Variants in GALE observed in about 807,000 individuals in gnomAD.
GALE encodes the protein UDP-galactose-4-epimerase, also known as UDP-glucose 4-epimerase.
In GALE, 32 loss-of-function variants were observed where a neutral mutation model predicts 44.1. The ratio of observed to expected loss-of-function variants is 0.73; its 90% CI spans 0.55 to 0.97. The LOEUF is 0.97. Ranked by LOEUF, GALE falls within the 50% of genes least tolerant of loss-of-function variation. GALE has a pLI of 0.00. For missense variants in GALE, 423 were observed against 455.6 expected (o/e 0.93, Z 0.65); for synonymous variants, 182 against 183.5 (o/e 0.99, Z 0.06).
At position 23,798,399 on chromosome 1, in the gene GALE, G is replaced by A. The variant is rs1372547496; in HGVS notation, c.238-169C>T. The A allele has an allele frequency of 1.4e-6, 1 of 706,928 alleles. No homozygotes were observed. Among genetic ancestry groups the A allele is most frequent in the Admixed American group, 2.1e-5 (1 of 48,662 alleles). 43.8% of individuals were successfully genotyped at this position (706,928 alleles called of 1,614,324 possible). On this transcript the variant is annotated intron_variant, in intron 4 of 11. Coordinates refer to ENST00000617979, the MANE Select transcript of GALE (RefSeq NM_001008216.2). This position sits in a 1 kb window ranked among gnomAD's most constrained non-coding sequence, Gnocchi z 4.5. ...AGCTCACCGCAACCTCCACCTCCCA[G>A]GCTCAAGCCATCCTCCCATGCCAGC...
chr1:23,797,806 G>A lies in GALE; in HGVS notation c.417C>T (p.Pro139=). The change falls in exon 6 of 12, where the codon CCC becomes CCT. Residue 139 remains proline (P), a synonymous_variant. Transcript: ENST00000617979. ...GGGCCTCATCAAGGGGCAGGTACTG[G>A]GGGTTCCCGTACACAGTGGCTGAGC... is the stretch of plus-strand genomic sequence containing the variant. ...FSSSATVYGN[P]QYLPLDEAHP... is the part of the protein sequence containing the mutation. 6.2e-7 allele frequency: 1 copy of A among 1,614,194 alleles called. No individual in the cohort carries two copies. The highest frequency in any genetic ancestry group is 8.5e-7 in the Non-Finnish European group (1 of 1,180,016).
chr1:23,797,841 C>T lies in GALE; in HGVS notation c.382G>A (p.Val128Met), dbSNP rs778887800. The T allele has an allele frequency of 3.7e-6, 6 of 1,614,210 alleles. No individual in the cohort carries two copies. The Admixed American group carries it at 5.0e-5, about 13-fold the overall frequency. Residue 128 changes from valine to methionine, a missense_variant, in exon 6 of 12, where the codon GTG becomes ATG. Coordinates refer to ENST00000617979, the MANE Select transcript of GALE (RefSeq NM_001008216.2). ...TACACAGTGGCTGAGCTGCTGAACA[C>T]CAGGTTCTTCACCCCGTGGGCCTTC... is the stretch of plus-strand genomic sequence containing the variant. ...IMKAHGVKNLVFSSSATVYGN... is the reference protein window; with the variant it reads ...IMKAHGVKNLMFSSSATVYGN...
chr1:23,798,375 G>A lies in GALE; in HGVS notation c.238-145C>T. ...GCTGGAGTACAGTGGTGCCATCTCA[G>A]CTCACCGCAACCTCCACCTCCCAGG... On this transcript the variant is annotated intron_variant, in intron 4 of 11. Coordinates refer to ENST00000617979, the MANE Select transcript of GALE (RefSeq NM_001008216.2). The surrounding 1 kb of genome is among the most constrained non-coding windows in gnomAD (Gnocchi z 4.5). 1.4e-6 allele frequency: 1 copy of A among 727,114 alleles called. No individual in the cohort carries two copies. The highest frequency in any genetic ancestry group is 2.4e-6 in the Non-Finnish European group (1 of 411,758). 45.0% of individuals were successfully genotyped at this position (727,114 alleles called of 1,614,324 possible).
Position 23,796,830 on chromosome 1 carries a change from C to T in GALE, c.709+46G>A. The T allele has an allele frequency of 6.2e-7, 1 of 1,608,816 alleles. No individual in the cohort carries two copies. Among genetic ancestry groups the T allele is most frequent in the Non-Finnish European group, 8.5e-7 (1 of 1,177,382 alleles). ...GATGGGGAGTCTGTTCCCCCTGACT[C>T]TCCTTCCTGGCTCCCACTCCTAGGT... On this transcript the variant is annotated intron_variant, in intron 8 of 11. Transcript: ENST00000617979. The surrounding 1 kb of genome is among the most constrained non-coding windows in gnomAD (Gnocchi z 5.2).
intron 6 of GALE, among the ~76,000 whole-genome samples, chr1:23,797,427 C>T (rs1278104927): frequency 1.3e-5 from 2 of 152,182 alleles, no homozygotes; most frequent in Non-Finnish European, 2.9e-5. Flanking sequence ...ACCATGTTGT[C>T]CAGGCTGGTC....
chr1:23,796,274 C>G lies in GALE; in HGVS notation c.874-9G>C. ...ACCACCTTGTACGGGATCTGCAAGA[C>G]AGGAGGTAGTTGGAGCTTAGCTGAG... On this transcript the variant is annotated splice_polypyrimidine_tract_variant and intron_variant, in intron 10 of 11. Transcript: ENST00000617979. The surrounding 1 kb of genome is among the most constrained non-coding windows in gnomAD (Gnocchi z 5.2). 6.2e-7 allele frequency: 1 copy of G among 1,612,742 alleles called. No homozygotes were observed. Among genetic ancestry groups the G allele is most frequent in the Non-Finnish European group, 8.5e-7 (1 of 1,178,688 alleles).
chr1:23,798,705 C>A lies in GALE; in HGVS notation c.147G>T (p.Leu49=). The change falls in exon 4 of 12, where the codon CTG becomes CTT. Residue 49 remains leucine, a synonymous_variant. Transcript: ENST00000617979. This position sits in a 1 kb window ranked among gnomAD's most constrained non-coding sequence, Gnocchi z 4.5. ...FRGGGSLPES[L]RRVQELTGRS... Reference sequence around the variant, plus strand: ...GGCCTGTCAGCTCCTGGACCCGCCGCAGGCTCTCAGGCAGGGAGCCCCCTC... The same window carrying A: ...GGCCTGTCAGCTCCTGGACCCGCCGAAGGCTCTCAGGCAGGGAGCCCCCTC... The A allele has an allele frequency of 6.2e-7, 1 of 1,614,058 alleles. No individual in the cohort carries two copies. The highest frequency in any genetic ancestry group is 8.5e-7 in the Non-Finnish European group (1 of 1,179,928).
intron 2 of GALE, 164 bp downstream of exon 2, chr1:23,799,198 AAATT>A (rs1334197409): frequency 5.4e-5 from 37 of 682,386 alleles, no homozygotes; most frequent in African/African-American, 1.8e-4. Context: ...TAGGCTTTGG[AAATT>A]AATTAGCCTC....
In GALE at chr1:23,796,457, TGA is replaced by T; in HGVS notation, c.873+50_873+51del. 3 of 1,426,352 alleles carry T rather than the reference TGA, an allele frequency of 2.1e-6. No individual in the cohort carries two copies. The highest frequency in any genetic ancestry group is 2.8e-6 in the Non-Finnish European group (3 of 1,072,908). 88.4% of individuals were successfully genotyped at this position (1,426,352 alleles called of 1,614,324 possible). On this transcript the variant is annotated intron_variant, in intron 10 of 11. Coordinates refer to ENST00000617979, the MANE Select transcript of GALE (RefSeq NM_001008216.2). The surrounding 1 kb of genome is among the most constrained non-coding windows in gnomAD (Gnocchi z 5.2). ...GGAAGGGCCAAAGCTGCTCTGTTGC[TGA>T]GAGCTGGGTGGGGTGAGGTGGGTGA...
At position 23,796,059 on chromosome 1, in the gene GALE, C is replaced by T; in HGVS notation, c.989-52G>A. ...GGGCCCACGGTGGAATGCAGAGCCT[C>T]CCCCACCCCACAGCCCGCCCTGGGT... On this transcript the variant is annotated intron_variant, in intron 11 of 11. Transcript: ENST00000617979. This position sits in a 1 kb window ranked among gnomAD's most constrained non-coding sequence, Gnocchi z 5.2. The T allele has an allele frequency of 6.2e-7, 1 of 1,606,760 alleles. No homozygotes were observed. Among genetic ancestry groups the T allele is most frequent in the South Asian group, 1.1e-5 (1 of 90,730 alleles).
chr1:23,797,593 C>T (rs1639000463), intron 6 of GALE, 102 bp downstream of exon 6: 2 of 1,145,190 alleles, frequency 1.7e-6, no homozygotes, highest in Non-Finnish European at 2.6e-6. Context: ...GCCTTAGCTT[C>T]CTCCTTAGTG....
In GALE at chr1:23,796,076, G is replaced by A. The variant is rs540419083; in HGVS notation, c.989-69C>T. The A allele has an allele frequency of 1.3e-5, 21 of 1,587,992 alleles. No homozygotes were observed. Among genetic ancestry groups the A allele is most frequent in the African/African-American group, 8.1e-5 (6 of 74,504 alleles). On this transcript the variant is annotated intron_variant, in intron 11 of 11. Transcript: ENST00000617979. This position sits in a 1 kb window ranked among gnomAD's most constrained non-coding sequence, Gnocchi z 5.2. ...CAGAGCCTCCCCCACCCCACAGCCC[G>A]CCCTGGGTGGGCATGCCCAGATCTG...
chr1:23,798,637 G>T lies in GALE; in HGVS notation c.215C>A (p.Ala72Asp). ...CACCTTTTTGAAGAGACGCTGTAGG[G>T]CTCCCTGGTCCAAAATGTCCATCTC... is the stretch of plus-strand genomic sequence containing the variant. ...FEEMDILDQG[A>D]LQRLFKKYSF... Residue 72 changes from alanine to aspartate, a missense_variant, in exon 4 of 12, where the codon GCC (alanine) becomes GAC (aspartate). Ala to Asp is a moderately radical substitution (Grantham distance 126). Coordinates refer to ENST00000617979, the MANE Select transcript of GALE (RefSeq NM_001008216.2). The surrounding 1 kb of genome is among the most constrained non-coding windows in gnomAD (Gnocchi z 4.5). 6.2e-7 allele frequency: 1 copy of T among 1,613,538 alleles called. No homozygotes were observed. The highest frequency in any genetic ancestry group is 8.5e-7 in the Non-Finnish European group (1 of 1,179,626).
chr1:23,799,024 TAC>T lies in GALE; in HGVS notation c.-5-14_-5-13del, dbSNP rs774118259. 2.4e-5 allele frequency: 39 copies of T among 1,614,000 alleles called. No homozygotes were observed. The highest frequency in any genetic ancestry group is 1.6e-4 in the South Asian group (15 of 91,086). On this transcript the variant is annotated splice_polypyrimidine_tract_variant and intron_variant, in intron 2 of 11. Coordinates refer to ENST00000617979, the MANE Select transcript of GALE (RefSeq NM_001008216.2). ...CTCTGCCATGGCACCTGGCCCAGGA[TAC>T]AGAGTCTCAGAGGTGGCTGAGGCTG...
chr1:23,798,137 C>T lies in GALE; in HGVS notation c.331G>A (p.Gly111Arg), dbSNP rs1336615166. ...CTCACCTCCAGAAGCTGGATGGTCC[C>T]GGTCAGGTTAACTCTGTAATAATCC... ...PLDYYRVNLT[G>R]TIQLLEIMKA... is the part of the protein sequence containing the mutation. Residue 111 changes from glycine to arginine, a missense_variant, in exon 5 of 12, where the codon GGG becomes AGG. Physicochemically the swap from Gly to Arg is moderately radical, Grantham distance 125. Coordinates refer to ENST00000617979, the MANE Select transcript of GALE (RefSeq NM_001008216.2). This position sits in a 1 kb window ranked among gnomAD's most constrained non-coding sequence, Gnocchi z 4.5. The T allele has an allele frequency of 5.6e-6, 9 of 1,613,836 alleles. No homozygotes were observed. Among genetic ancestry groups the T allele is most frequent in the East Asian group, 2.2e-5 (1 of 44,882 alleles).
Position 23,798,459 on chromosome 1 carries a change from C to T in GALE, c.237+156G>A. The T allele has an allele frequency of 2.9e-6, 2 of 701,508 alleles. No homozygotes were observed. Among genetic ancestry groups the T allele is most frequent in the East Asian group, 5.4e-5 (2 of 37,122 alleles). The allele number at this position is 701,508 out of a possible 1,614,324, so 43.5% of individuals were successfully genotyped here. ...AGCTGGGACCACAGGTATGGGCTAC[C>T]ATGCCCAGCTAATTTTTGTATTTTT... On this transcript the variant is annotated intron_variant, in intron 4 of 11. Transcript: ENST00000617979. The surrounding 1 kb of genome is among the most constrained non-coding windows in gnomAD (Gnocchi z 4.5).
In GALE at chr1:23,798,708, G is replaced by A. The variant is rs1304532208; in HGVS notation, c.144C>T (p.Ser48=). The A allele has an allele frequency of 8.1e-6, 13 of 1,613,870 alleles. No individual in the cohort carries two copies. Among genetic ancestry groups the A allele is most frequent in the Admixed American group, 6.7e-5 (4 of 59,986 alleles). ...AFRGGGSLPE[S]LRRVQELTGR... ...CTGTCAGCTCCTGGACCCGCCGCAG[G>A]CTCTCAGGCAGGGAGCCCCCTCCTG... The change falls in exon 4 of 12, where the codon AGC becomes AGT. Residue 48 remains serine (S), a synonymous_variant. Coordinates refer to ENST00000617979, the MANE Select transcript of GALE (RefSeq NM_001008216.2). This position sits in a 1 kb window ranked among gnomAD's most constrained non-coding sequence, Gnocchi z 4.5.
Position 23,795,964 on chromosome 1 carries a change from A to G in GALE, c.1032T>C (p.Phe344=). 1 of 1,613,968 alleles carries G rather than the reference A, an allele frequency of 6.2e-7. No individual in the cohort carries two copies. Among genetic ancestry groups the G allele is most frequent in the Non-Finnish European group, 8.5e-7 (1 of 1,179,962 alleles). Residue 344 remains phenylalanine (F), a synonymous_variant, in exon 12 of 12, where the codon TTT becomes TTC. Coordinates refer to ENST00000617979, the MANE Select transcript of GALE (RefSeq NM_001008216.2). ...GGGAGGGTCCTCAGGCTTGCGTGCC[A>G]AAGCCTGAAGGATTCTGCTTCTGCC... The part of the protein sequence containing the change: ...WRWQKQNPSG[F]GTQA
In GALE at chr1:23,800,401, G is replaced by A. The variant is rs113324056; in HGVS notation, c.-77+311C>T. 0.04 allele frequency: 6,164 copies of A among 152,576 alleles called. 191 individuals are homozygous for A. The highest frequency in any genetic ancestry group is 0.061 in the Non-Finnish European group (4,128 of 68,212). The allele number at this position is 152,576 out of a possible 1,614,324, so 9.5% of individuals were successfully genotyped here. ...AGCGGAGTGACCTTGCTCAGCCGTC[G>A]CCCACTCGGTTTTCCCAGTCTGTCT... is the stretch of plus-strand genomic sequence containing the variant. On this transcript the variant is annotated intron_variant, in intron 1 of 11. Coordinates refer to ENST00000617979, the MANE Select transcript of GALE (RefSeq NM_001008216.2).
Sources: allele counts gnomAD v4.1 joint callset (sites outside exome capture counted in the v4.1 genomes callset), GRCh38; gene constraint gnomAD v4.1.1; non-coding constraint Gnocchi (gnomAD v3.1); transcripts MANE v1.5; gene names NCBI Gene and HGNC (gene_info 2026-07-23, HGNC 2026-07-21).